The following SOS1 variants were observed in gnomAD, a reference collection of about 807,000 sequenced individuals.
SOS1 encodes the protein son of sevenless homolog 1.
Under a neutral mutation model 157.6 loss-of-function variants are expected in SOS1, and 25 were observed. The observed-to-expected ratio is 0.16, with a 90% CI of 0.12 to 0.22. The LOEUF (loss-of-function observed/expected upper bound fraction) is 0.22. SOS1 is among the 10% of genes least tolerant of loss of function. The probability of loss-of-function intolerance (pLI) is 1.00; values close to 1 mark genes in which losing one functional copy is unlikely to be tolerated. For missense variants in SOS1, 1,237 were observed against 1,599.1 expected, an observed-to-expected ratio of 0.77 and a Z score of 3.86; for synonymous variants, 528 against 534.0, an observed-to-expected ratio of 0.99 and a Z score of 0.16.
intron 8 of SOS1, among the ~76,000 whole-genome samples, chr2:39,033,659 T>G (rs1295546187): frequency 6.6e-6 from 1 of 152,120 alleles, no homozygotes; most frequent in African/African-American, 2.4e-5. Flanking sequence ...CCCAGCCTTT[T>G]GAGTAGCTGG....
At position 38,997,200 on chromosome 2, in the gene SOS1, A is replaced by G. The variant is rs2124479341; in HGVS notation, c.2964+53T>C. ...CTATAAAATAAACCTGCCTTTTATTAAGTAGTTTAGAAACTTAATCAGAAG... is the reference window on the plus strand; with the variant it reads ...CTATAAAATAAACCTGCCTTTTATTGAGTAGTTTAGAAACTTAATCAGAAG... On this transcript the variant is annotated intron_variant, in intron 18 of 22. Coordinates refer to ENST00000402219, the MANE Select transcript of SOS1 (RefSeq NM_005633.4). The G allele has an allele frequency of 7.1e-7, 1 of 1,401,328 alleles. No individual in the cohort carries two copies. The highest frequency in any genetic ancestry group is 2.3e-5 in the East Asian group (1 of 43,736). 86.8% of individuals were successfully genotyped at this position (1,401,328 alleles called of 1,614,324 possible). A position where few individuals can be genotyped will look rare whatever the true frequency, so the allele number is the denominator to read the frequency against.
At chr2:39,111,239 AAATAAT>A (rs993661528) in intron 1 of SOS1, among the ~76,000 whole-genome samples, 6 of 152,306 alleles carry the variant, frequency 3.9e-5, no homozygotes, top group African/African-American at 1.2e-4. Flanking sequence ...TCTCAAAAAA[AAATAAT>A]AATAATAAGA....
At chr2:38,997,500 G>A in intron 17 of SOS1, 75 bp from the exon 18 acceptor site, 1 of 1,031,252 alleles carries the variant, frequency 9.7e-7, no homozygotes. Context: ...TTAATTGTGG[G>A]TATATTACAC....
rs772823827 is a variant in SOS1, at chr2:38,989,274, G to A, written c.3387C>T (p.Gly1129=). ...TVFIQVTLPH[G]PRSASVSSIS... is the part of the protein sequence containing the mutation. The stretch of plus-strand genomic sequence containing the variant: ...TCTTAAACCAAATATACTAACTTGG[G>A]CCATGGGGCAGAGTAACTTGGATAA... The change falls in exon 21 of 23, where the codon GGC becomes GGT. Residue 1129 remains glycine, a synonymous_variant. Coordinates refer to ENST00000402219, the MANE Select transcript of SOS1 (RefSeq NM_005633.4). 48 of 1,599,416 alleles carry A rather than the reference G, an allele frequency of 3.0e-5. No homozygotes were observed. The highest frequency in any genetic ancestry group is 3.9e-5 in the Non-Finnish European group (45 of 1,167,146).
chr2:39,017,059 A>G (rs1669653871), intron 10 of SOS1, among the ~76,000 whole-genome samples: 1 of 152,074 alleles, frequency 6.6e-6, no homozygotes, highest in African/African-American at 2.4e-5. Context: ...CTATTATGTA[A>G]CATTCTCAAA....
At chr2:39,096,447 A>T (rs1403792849) in intron 1 of SOS1, among the ~76,000 whole-genome samples, 1 of 152,202 alleles carries the variant, frequency 6.6e-6, no homozygotes, top group Non-Finnish European at 1.5e-5. Context: ...TTTAAAAATT[A>T]TTTATCAGGC....
chr2:38,987,406 A>C (rs1164183876), intron 22 of SOS1, 67 bp downstream of exon 22: 2 of 811,862 alleles, frequency 2.5e-6, no homozygotes, highest in Non-Finnish European at 4.3e-6. Flanking sequence ...GAACTAAACT[A>C]GACAGCCGTT....
At position 38,982,898 on chromosome 2, in the gene SOS1, G is replaced by A. The variant is rs899658965; in HGVS notation, c.*2926C>T. On this transcript the variant is annotated 3_prime_UTR_variant, in exon 23 of 23. Transcript: ENST00000402219. ...ATAGCCTCCAGCTGACATAGTAATT[G>A]TTCTCTGGGCTGTTGTTGACTGTAG... The A allele has an allele frequency of 5.9e-5, 9 of 152,098 alleles. No homozygotes were observed. Among genetic ancestry groups the A allele is most frequent in the African/African-American group, 1.9e-4 (8 of 41,428 alleles). 9.4% of individuals were successfully genotyped at this position (152,098 alleles called of 1,614,324 possible). A position where few individuals can be genotyped will look rare whatever the true frequency, so the allele number is the denominator to read the frequency against.
At position 39,024,092 on chromosome 2, in the gene SOS1, T is replaced by G. The variant is rs2124539646; in HGVS notation, c.1120A>C (p.Lys374Gln). Residue 374 changes from lysine to glutamine, a missense_variant, in exon 9 of 23, where the codon AAA becomes CAA. This residue lies in a region of SOS1 where 101 missense variants were observed against 171.5 expected (regional missense o/e 0.59). Coordinates refer to ENST00000402219, the MANE Select transcript of SOS1 (RefSeq NM_005633.4). ...TTAAGCAAAGCTGTTATTGCTTGTTTTAAACATTCCTTGTCTTCTTGATCT... is the reference window on the plus strand; with the variant it reads ...TTAAGCAAAGCTGTTATTGCTTGTTGTAAACATTCCTTGTCTTCTTGATCT... ...SEDQEDKECL[K>Q]QAITALLNVQ... The G allele has an allele frequency of 6.2e-7, 1 of 1,609,376 alleles. No individual in the cohort carries two copies. The highest frequency in any genetic ancestry group is 2.2e-5 in the East Asian group (1 of 44,730).
chr2:39,079,469 G>C (rs1042682761), intron 1 of SOS1, among the ~76,000 whole-genome samples: 1 of 146,422 alleles, frequency 6.8e-6, no homozygotes, highest in African/African-American at 2.5e-5. Flanking sequence ...AACCAAAGAA[G>C]CCTTTAAAAG....
At chr2:39,035,971 A>G (rs1670327982) in intron 6 of SOS1, among the ~76,000 whole-genome samples, 1 of 152,220 alleles carries the variant, frequency 6.6e-6, no homozygotes, top group South Asian at 2.1e-4. Flanking sequence ...TCTAAAATTC[A>G]TTGTGATAAT....
At chr2:39,124,743 C>T (rs1414612292), upstream of SOS1, among the ~76,000 whole-genome samples, 3 of 152,254 alleles carry the variant, frequency 2.0e-5, no homozygotes, top group Non-Finnish European at 2.9e-5. Context: ...CTTGCACAAT[C>T]GGACCGCTAC....
intron 1 of SOS1, among the ~76,000 whole-genome samples, chr2:39,087,671 CTTTAT>C (rs1287014585): frequency 2.0e-5 from 3 of 152,154 alleles, no homozygotes; most frequent in South Asian, 2.1e-4. Context: ...TCAGAAAGTG[CTTTAT>C]TTTATTTTAT....
chr2:39,059,664 A>G (rs548429505), intron 2 of SOS1, among the ~76,000 whole-genome samples: 35 of 152,194 alleles, frequency 2.3e-4, no homozygotes, highest in Non-Finnish European at 4.4e-4. Context: ...ATCTGAATAA[A>G]AAGTTTTATT....
chr2:39,102,067 G>A (rs1196758982), intron 1 of SOS1, among the ~76,000 whole-genome samples: 1 of 151,388 alleles, frequency 6.6e-6, no homozygotes, highest in Non-Finnish European at 1.5e-5. Context: ...TTAGCCAGGC[G>A]TGGTGGCAGG....
chr2:39,013,589 T>C (rs749704173), intron 12 of SOS1, 26 bp from the exon 13 acceptor site: 1 of 1,360,364 alleles, frequency 7.4e-7, no homozygotes, highest in Non-Finnish European at 1.1e-6. Flanking sequence ...AGAATTGAAT[T>C]ACATGGGAAT....
chr2:39,046,101 TG>T (rs1670773096), intron 6 of SOS1, among the ~76,000 whole-genome samples: 1 of 152,232 alleles, frequency 6.6e-6, no homozygotes, highest in African/African-American at 2.4e-5. Flanking sequence ...CTAATGTAGT[TG>T]GATTTTTTTA....
chr2:39,030,243 A>AG (rs565254205), intron 8 of SOS1, among the ~76,000 whole-genome samples: 4 of 47,908 alleles, frequency 8.3e-5, no homozygotes, highest in Non-Finnish European at 1.2e-4. Flanking sequence ...AAAAGAAAAC[A>AG]GAAAAAAAAA....
chr2:39,054,871 G>A lies in SOS1; in HGVS notation c.511-48C>T, dbSNP rs200453620. 1.5e-4 allele frequency: 147 copies of A among 1,010,050 alleles called. No individual in the cohort carries two copies. Among genetic ancestry groups the A allele is most frequent in the Non-Finnish European group, 1.7e-4 (108 of 642,748 alleles). The allele number at this position is 1,010,050 out of a possible 1,614,324, so 62.6% of individuals were successfully genotyped here. The stretch of plus-strand genomic sequence containing the variant: ...AAGTATAATAAAATATGAAGCTTTC[G>A]TAGAATTTGATGTGAAATGCTCTAA... On this transcript the variant is annotated intron_variant, in intron 4 of 22. Transcript: ENST00000402219.
Sources: allele counts gnomAD v4.1 joint callset (sites outside exome capture counted in the v4.1 genomes callset), GRCh38; gene constraint gnomAD v4.1.1; regional missense constraint gnomAD v4.1.1; transcripts MANE v1.5; gene names NCBI Gene and HGNC (gene_info 2026-07-23, HGNC 2026-07-21).